ST6GALNAC1: variants seen among roughly 807,000 people sequenced by gnomAD.
ST6GALNAC1 encodes the protein ST6 N-acetylgalactosaminide alpha-2,6-sialyltransferase 1.
In ST6GALNAC1, 45 loss-of-function variants were observed where a neutral mutation model predicts 56.8. That is an observed-to-expected ratio of 0.79 (90% CI 0.62 to 1.02). The LOEUF is 1.02. Ranked by LOEUF, ST6GALNAC1 falls within the 50% of genes least tolerant of loss-of-function variation. ST6GALNAC1 has a pLI of 0.00. For missense variants in ST6GALNAC1, 743 were observed against 754.8 expected (o/e 0.98, Z 0.18); for synonymous variants, 295 against 297.8 (o/e 0.99, Z 0.10).
At chr17:76,620,289 C>G, downstream of ST6GALNAC1, among the ~76,000 whole-genome samples, 1 of 152,116 alleles carries the variant, frequency 6.6e-6, no homozygotes, top group East Asian at 1.9e-4. Flanking sequence ...ATCTGCCTGC[C>G]TCGGTCTCCC....
chr17:76,622,376 A>T (rs543715780), downstream of ST6GALNAC1, among the ~76,000 whole-genome samples: 292 of 148,586 alleles, frequency 2.0e-3, 3 homozygotes, highest in African/African-American at 6.6e-3. Flanking sequence ...TATTATTATT[A>T]TTATTTTGAG....
Position 76,627,879 on chromosome 17 carries a change from C to CCT in ST6GALNAC1, c.832-297_832-296insAG. Among the ~76,000 whole-genome samples, 15 of 152,122 alleles carry CCT rather than the reference C, an allele frequency of 9.9e-5. No homozygotes were observed. In the East Asian group the frequency reaches 2.7e-3, roughly 28 times the overall value. On this transcript the variant is annotated intron_variant, in intron 2 of 8. Transcript: ENST00000156626. The surrounding 1 kb of genome is among the most constrained non-coding windows in gnomAD (Gnocchi z 4.4). Reference sequence around the variant, plus strand: ...TTGGGAGGCCGAGGCGGGTGGATCACAAGGTCAGGAGATCGAGACCATCCT... The same window carrying CCT: ...TTGGGAGGCCGAGGCGGGTGGATCACCTAAGGTCAGGAGATCGAGACCATCCT...
At chr17:76,626,186 C>G in intron 6 of ST6GALNAC1, 91 bp from the exon 7 acceptor site, 1 of 1,544,002 alleles carries the variant, frequency 6.5e-7, no homozygotes. Context: ...GGTATCCCAT[C>G]TCCAGGTGAT....
At chr17:76,640,159 G>T (rs546178412) in intron 1 of ST6GALNAC1, among the ~76,000 whole-genome samples, 3 of 152,232 alleles carry the variant, frequency 2.0e-5, no homozygotes, top group African/African-American at 7.2e-5. Flanking sequence ...TGGAGTGAGT[G>T]TCCCATTATT....
At chr17:76,625,599 G>C (rs1230045351) in intron 8 of ST6GALNAC1, 72 bp from the exon 9 acceptor site, 1 of 1,541,618 alleles carries the variant, frequency 6.5e-7, no homozygotes, top group African/African-American at 1.4e-5. Context: ...GGCTAATTCT[G>C]TGTTGAGGGG....
At position 76,626,408 on chromosome 17, in the gene ST6GALNAC1, A is replaced by C. The variant is rs367780226; in HGVS notation, c.1312-16T>G. On this transcript the variant is annotated splice_polypyrimidine_tract_variant and intron_variant, in intron 5 of 8. Transcript: ENST00000156626. ...AGCGGACGTCCTGAGGACCAAGGAC[A>C]GGGAGTGGTCCAAAAGTACTGCCTT... 71 of 1,612,382 alleles carry C rather than the reference A, an allele frequency of 4.4e-5. No homozygotes were observed. The highest frequency in any genetic ancestry group is 4.8e-5 in the Non-Finnish European group (57 of 1,178,870).
At chr17:76,633,034 C>T (rs944883403) in intron 1 of ST6GALNAC1, among the ~76,000 whole-genome samples, 16 of 151,746 alleles carry the variant, frequency 1.1e-4, no homozygotes, top group Admixed American at 7.9e-4. Flanking sequence ...GGCAAAACCC[C>T]GTCTCTACTA....
rs113758739 is a variant in ST6GALNAC1 at position 76,643,709 on chromosome 17, A to G, written c.-71T>C. On this transcript the variant is annotated 5_prime_UTR_variant, in exon 1 of 9. Transcript: ENST00000156626. The stretch of plus-strand genomic sequence containing the variant: ...CTTGATGTAGGCAGCTGGGAGTCTC[A>G]CCGCTCAGGTTTCCTGGCCAGGAAG... 23 of 1,514,620 alleles carry G rather than the reference A, an allele frequency of 1.5e-5. No individual in the cohort carries two copies. The highest frequency in any genetic ancestry group is 1.9e-5 in the Non-Finnish European group (21 of 1,103,288). The allele number at this position is 1,514,620 out of a possible 1,614,324, so 93.8% of individuals were successfully genotyped here.
At position 76,627,678 on chromosome 17, in the gene ST6GALNAC1, T is replaced by C. The variant is rs1034866484; in HGVS notation, c.832-95A>G. 1.6e-4 allele frequency: 197 copies of C among 1,208,230 alleles called. No homozygotes were observed. Among genetic ancestry groups the C allele is most frequent in the Middle Eastern group, 2.8e-4 (1 of 3,528 alleles). 74.8% of individuals were successfully genotyped at this position (1,208,230 alleles called of 1,614,324 possible). Reference sequence around the variant, plus strand: ...GCAGCAAGGGCTGGGGCTCGCAGTTTGGAAGGCGCGGCCTCTGCTACCTCT... The same window carrying C: ...GCAGCAAGGGCTGGGGCTCGCAGTTCGGAAGGCGCGGCCTCTGCTACCTCT... On this transcript the variant is annotated intron_variant, in intron 2 of 8. Coordinates refer to ENST00000156626, the MANE Select transcript of ST6GALNAC1 (RefSeq NM_018414.5). This position sits in a 1 kb window ranked among gnomAD's most constrained non-coding sequence, Gnocchi z 4.4.
chr17:76,636,662 C>T (rs2075977068), intron 1 of ST6GALNAC1, among the ~76,000 whole-genome samples: 1 of 145,992 alleles, frequency 6.8e-6, no homozygotes, highest in Non-Finnish European at 1.5e-5. Context: ...TGGGGGTAGC[C>T]CCCACCCAGC....
the ST6GALNAC1 span, among the ~76,000 whole-genome samples, chr17:76,618,614 C>T: frequency 6.6e-6 from 1 of 151,556 alleles, no homozygotes; most frequent in African/African-American, 2.4e-5. Flanking sequence ...TCCATCTCTA[C>T]TAAAAAATAC....
chr17:76,628,803 G>T (rs1430632891), intron 2 of ST6GALNAC1, among the ~76,000 whole-genome samples: 1 of 152,162 alleles, frequency 6.6e-6, no homozygotes, highest in Non-Finnish European at 1.5e-5. Flanking sequence ...GGGCCTGCCT[G>T]CTCCTCCTCC....
In ST6GALNAC1 at chr17:76,629,274, G is replaced by A; in HGVS notation, c.569C>T (p.Thr190Ile). 6.2e-7 allele frequency: 1 copy of A among 1,614,180 alleles called. No individual in the cohort carries two copies. The highest frequency in any genetic ancestry group is 8.5e-7 in the Non-Finnish European group (1 of 1,180,042). ...TTTGGGAATGAGCGTCTTGGCTGTG[G>A]TTGCCGCTTTGCCCTGGTGCTTCTC... ...VSEKHQGKAA[T>I]TAKTLIPKSQ... is the part of the protein sequence containing the mutation. The change falls in exon 2 of 9, where the codon ACC (threonine) becomes ATC (isoleucine). Residue 190 changes from threonine (T) to isoleucine (I), a missense_variant. Thr to Ile is a moderately conservative substitution (Grantham distance 89). Transcript: ENST00000156626.
intron 1 of ST6GALNAC1, among the ~76,000 whole-genome samples, chr17:76,638,117 T>TC (rs2076001733): frequency 6.6e-6 from 1 of 151,274 alleles, no homozygotes; most frequent in African/African-American, 2.4e-5. Context: ...ACTCTTTTTT[T>TC]TTTTTTTTTT....
In ST6GALNAC1 at chr17:76,629,823, C is replaced by G. The variant is rs543783634; in HGVS notation, c.132-112G>C. 1.3e-5 allele frequency: 11 copies of G among 823,834 alleles called. No homozygotes were observed. The African/African-American group carries it at 1.9e-4, about 14-fold the overall frequency. 51.0% of individuals were successfully genotyped at this position (823,834 alleles called of 1,614,324 possible). A position where few individuals can be genotyped will look rare whatever the true frequency, so the allele number is the denominator to read the frequency against. ...TTTGAGACACAGTCTTGCTCTGTCACCCAGGCTGGAGTGCAGTGGTACGAT... is the reference window on the plus strand; with the variant it reads ...TTTGAGACACAGTCTTGCTCTGTCAGCCAGGCTGGAGTGCAGTGGTACGAT... On this transcript the variant is annotated intron_variant, in intron 1 of 8. Transcript: ENST00000156626.
chr17:76,630,870 C>T (rs1303655499), intron 1 of ST6GALNAC1, among the ~76,000 whole-genome samples: 1 of 149,606 alleles, frequency 6.7e-6, no homozygotes, highest in Admixed American at 6.7e-5. Context: ...ATTTTACAGG[C>T]GTGAGCCACC....
intron 4 of ST6GALNAC1, 65 bp from the exon 5 acceptor site, chr17:76,626,854 G>A: frequency 4.4e-6 from 7 of 1,590,904 alleles, no homozygotes; most frequent in Middle Eastern, 1.7e-4. Context: ...GTAGGTGGAT[G>A]GGGAAAGGAA....
chr17:76,619,250 A>C, the ST6GALNAC1 span, among the ~76,000 whole-genome samples: 3 of 152,326 alleles, frequency 2.0e-5, no homozygotes, highest in East Asian at 3.8e-4. Context: ...CTGGTTGCTT[A>C]TAGTGAAGAA....
chr17:76,632,729 C>T (rs980725099), intron 1 of ST6GALNAC1, among the ~76,000 whole-genome samples: 9 of 152,106 alleles, frequency 5.9e-5, no homozygotes, highest in African/African-American at 9.7e-5. Flanking sequence ...TCAACGCGTT[C>T]GGCCCTGTGT....
Sources: allele counts gnomAD v4.1 joint callset (sites outside exome capture counted in the v4.1 genomes callset), GRCh38; gene constraint gnomAD v4.1.1; non-coding constraint Gnocchi (gnomAD v3.1); transcripts MANE v1.5; gene names NCBI Gene and HGNC (gene_info 2026-07-23, HGNC 2026-07-21).